The following EXD3 variants were observed in gnomAD, a reference collection of about 807,000 sequenced individuals.
EXD3 encodes exonuclease 3'-5' domain containing 3.
A neutral mutation model predicts 98.0 loss-of-function variants in EXD3; 92 were observed. The observed-to-expected ratio is 0.94, with a 90% CI of 0.79 to 1.12. The LOEUF (loss-of-function observed/expected upper bound fraction) is 1.12, where lower values mean the gene tolerates loss of function less well. EXD3 is among the 50% of genes most tolerant of loss of function. The probability of loss-of-function intolerance (pLI) is 0.00; values close to 1 mark genes in which losing one functional copy is unlikely to be tolerated. For synonymous variants in EXD3, 569 were observed against 526.0 expected, an observed-to-expected ratio of 1.08 and a Z score of -1.12; for missense variants, 1,222 against 1,191.6, an observed-to-expected ratio of 1.03 and a Z score of -0.38.
At chr9:137,361,150 C>A (rs1212704533) in intron 7 of EXD3, among the ~76,000 whole-genome samples, 1 of 86,946 alleles carries the variant, frequency 1.2e-5, no homozygotes, top group African/African-American at 3.2e-5. Flanking sequence ...CAGCAACATG[C>A]GAGGGAAGGG....
At chr9:137,412,115 G>A (rs1197970650) in intron 1 of EXD3, among the ~76,000 whole-genome samples, 7 of 152,174 alleles carry the variant, frequency 4.6e-5, no homozygotes, top group Admixed American at 6.5e-5. Flanking sequence ...CCCTGCAGCC[G>A]CCACCCCCAG....
chr9:137,362,314 T>G (rs1835029677), intron 7 of EXD3, among the ~76,000 whole-genome samples: 1 of 152,124 alleles, frequency 6.6e-6, no homozygotes, highest in Non-Finnish European at 1.5e-5. Flanking sequence ...TACATAATGG[T>G]CAAGTGCAGT....
At chr9:137,330,790 A>G (rs1833032014) in intron 17 of EXD3, among the ~76,000 whole-genome samples, 1 of 152,246 alleles carries the variant, frequency 6.6e-6, no homozygotes, top group Non-Finnish European at 1.5e-5. Flanking sequence ...GAAAGGAAAA[A>G]TGGCCCCAAT....
At chr9:137,339,829 A>G (rs943003306) in intron 17 of EXD3, among the ~76,000 whole-genome samples, 1 of 152,226 alleles carries the variant, frequency 6.6e-6, no homozygotes, top group African/African-American at 2.4e-5. Context: ...TAAATCAGAA[A>G]CAAGACAAGG....
At chr9:137,329,056 ACACGGGAG>A (rs1160839378) in intron 17 of EXD3, among the ~76,000 whole-genome samples, 1 of 50,876 alleles carries the variant, frequency 2.0e-5, no homozygotes, top group Non-Finnish European at 3.3e-5. Flanking sequence ...ACACGGGGCT[ACACGGGAG>A]CTACACGGGA....
At chr9:137,376,269 A>G (rs913422436) in intron 3 of EXD3, among the ~76,000 whole-genome samples, 8 of 145,394 alleles carry the variant, frequency 5.5e-5, no homozygotes, top group South Asian at 4.4e-4. Context: ...GCGTGAACCC[A>G]GGAGGCGGAG....
chr9:137,369,026 G>GAGGGGCGCAGGGTCAGGGGA (rs1291873939), intron 5 of EXD3, among the ~76,000 whole-genome samples: 1 of 143,412 alleles, frequency 7.0e-6, no homozygotes, highest in Non-Finnish European at 1.5e-5. Flanking sequence ...GCCGTGTGGG[G>GAGGGGCGCAGGGTCAGGGGA]AGGGGCGCAG....
chr9:137,332,327 C>T (rs1448655731), intron 17 of EXD3, among the ~76,000 whole-genome samples: 5 of 152,222 alleles, frequency 3.3e-5, no homozygotes, highest in African/African-American at 9.7e-5. Flanking sequence ...CAGTGGCTCA[C>T]GCCTGTAATC....
At chr9:137,346,081 T>C (rs1431601487) in intron 17 of EXD3, 2 of 150,548 alleles carry the variant, frequency 1.3e-5, no homozygotes, top group African/African-American at 4.9e-5. Flanking sequence ...GTACTAAAAA[T>C]ACAAAAAATT....
At chr9:137,362,848 T>C (rs765893932) in intron 7 of EXD3, among the ~76,000 whole-genome samples, 1 of 152,182 alleles carries the variant, frequency 6.6e-6, no homozygotes, top group South Asian at 2.1e-4. Flanking sequence ...TTCACTCTTG[T>C]AGCCCAGGCT....
At position 137,347,979 on chromosome 9, in the gene EXD3, TGGAGGGA is replaced by T. The variant is rs1284541194; in HGVS notation, c.1998+85_1998+91del. ...GCACAGCTGGCAGCCATGGATGAGC[TGGAGGGA>T]GGAGTTTGATGCTAGGGGTGGGCAC... is the stretch of plus-strand genomic sequence containing the variant. On this transcript the variant is annotated intron_variant, in intron 17 of 21. Transcript: ENST00000340951. This position sits in a 1 kb window ranked among gnomAD's most constrained non-coding sequence, Gnocchi z 4.2. The T allele has an allele frequency of 1.4e-6, 2 of 1,402,918 alleles. No individual in the cohort carries two copies. The highest frequency in any genetic ancestry group is 2.9e-5 in the African/African-American group (2 of 69,494). 86.9% of individuals were successfully genotyped at this position (1,402,918 alleles called of 1,614,324 possible).
chr9:137,334,844 G>A (rs1192170260), intron 17 of EXD3, among the ~76,000 whole-genome samples: 4 of 151,930 alleles, frequency 2.6e-5, no homozygotes, highest in East Asian at 1.9e-4. Context: ...TTGGGAGGCC[G>A]AGGCGGGCGG....
chr9:137,345,241 T>TA (rs779266919), intron 17 of EXD3, among the ~76,000 whole-genome samples: 2 of 152,274 alleles, frequency 1.3e-5, no homozygotes, highest in South Asian at 2.1e-4. Context: ...TTTTCCTTTT[T>TA]AAAAAATGTT....
At chr9:137,387,710 G>A (rs1459113121) in intron 2 of EXD3, among the ~76,000 whole-genome samples, 3 of 152,178 alleles carry the variant, frequency 2.0e-5, no homozygotes, top group Non-Finnish European at 4.4e-5. Context: ...GGTGGGGCTT[G>A]GAGCTGACAC....
intron 19 of EXD3, among the ~76,000 whole-genome samples, chr9:137,321,890 G>A (rs758297733): frequency 1.3e-5 from 2 of 152,124 alleles, no homozygotes; most frequent in African/African-American, 2.4e-5. Flanking sequence ...GAGTGGAGGC[G>A]CAAAAGGCAG....
At chr9:137,327,010 G>C (rs907231355) in intron 17 of EXD3, among the ~76,000 whole-genome samples, 1 of 152,064 alleles carries the variant, frequency 6.6e-6, no homozygotes, top group Admixed American at 6.5e-5. Context: ...GATACAAATG[G>C]GCAGATACTA....
intron 13 of EXD3, 25 bp downstream of exon 13, chr9:137,351,293 C>T: frequency 6.3e-7 from 1 of 1,597,976 alleles, no homozygotes; most frequent in Non-Finnish European, 8.5e-7. Flanking sequence ...CTGGACTGGG[C>T]AGGGGGCCCC....
chr9:137,390,147 A>AAAT, intron 2 of EXD3, among the ~76,000 whole-genome samples: 1 of 141,274 alleles, frequency 7.1e-6, no homozygotes, highest in African/African-American at 2.6e-5. Context: ...AAAAAAAAAA[A>AAAT]TGGCCGGGCG....
At chr9:137,331,888 C>T (rs1833080929) in intron 17 of EXD3, among the ~76,000 whole-genome samples, 1 of 152,080 alleles carries the variant, frequency 6.6e-6, no homozygotes, top group African/African-American at 2.4e-5. Flanking sequence ...TGCACTCCCG[C>T]CTGGGCAACA....
Sources: allele counts gnomAD v4.1 joint callset (sites outside exome capture counted in the v4.1 genomes callset), GRCh38; gene constraint gnomAD v4.1.1; non-coding constraint Gnocchi (gnomAD v3.1); transcripts MANE v1.5; gene names NCBI Gene and HGNC (gene_info 2026-07-23, HGNC 2026-07-21).